DCC: variants seen among roughly 807,000 people sequenced by gnomAD.
DCC encodes the protein netrin receptor DCC.
A neutral mutation model predicts 172.5 loss-of-function variants in DCC; 58 were observed. The ratio of observed to expected loss-of-function variants is 0.34; its 90% CI spans 0.27 to 0.42. DCC has a LOEUF of 0.42. DCC is among the 10% of genes least tolerant of loss of function. DCC has a pLI of 1.00. For synonymous variants in DCC, 709 were observed against 644.5 expected (o/e 1.10, Z -1.52); for missense variants, 1,740 against 1,791.0 (o/e 0.97, Z 0.51).
At chr18:52,719,229 T>A (rs2036436172) in intron 1 of DCC, among the ~76,000 whole-genome samples, 1 of 152,090 alleles carries the variant, frequency 6.6e-6, no homozygotes, top group South Asian at 2.1e-4. Flanking sequence ...TAATTATGTT[T>A]GTGAAGACCT....
chr18:52,910,381 A>G (rs899625726), intron 3 of DCC, among the ~76,000 whole-genome samples: 6 of 152,168 alleles, frequency 3.9e-5, no homozygotes, highest in Non-Finnish European at 8.8e-5. Flanking sequence ...TGTTTCATTA[A>G]AGGTAGGAAA....
At chr18:53,381,922 A>G (rs574253643) in intron 15 of DCC, among the ~76,000 whole-genome samples, 2 of 152,018 alleles carry the variant, frequency 1.3e-5, no homozygotes, top group Non-Finnish European at 2.9e-5. Context: ...ACTACCTTCC[A>G]TACACTAATA....
At chr18:52,387,967 G>C (rs993219036) in intron 1 of DCC, among the ~76,000 whole-genome samples, 31 of 152,088 alleles carry the variant, frequency 2.0e-4, no homozygotes, top group African/African-American at 7.0e-4. Context: ...GTTGACCCTT[G>C]ACAACCCTGG....
intron 15 of DCC, among the ~76,000 whole-genome samples, chr18:53,372,245 A>G (rs1048552947): frequency 6.6e-6 from 1 of 152,160 alleles, no homozygotes; most frequent in Non-Finnish European, 1.5e-5. Flanking sequence ...GACTGGATAA[A>G]GAAAATGTGG....
At chr18:52,678,332 C>T (rs569198115) in intron 1 of DCC, among the ~76,000 whole-genome samples, 2 of 152,282 alleles carry the variant, frequency 1.3e-5, no homozygotes, top group East Asian at 1.9e-4. Flanking sequence ...AAATCAGCCT[C>T]ATGGTCTTTG....
intron 1 of DCC, among the ~76,000 whole-genome samples, chr18:52,661,618 C>T (rs2035361616): frequency 6.6e-6 from 1 of 152,218 alleles, no homozygotes; most frequent in Admixed American, 6.5e-5. Flanking sequence ...GGGAAGTGCC[C>T]AGTAAACAGC....
chr18:52,981,123 A>T (rs570348680), intron 5 of DCC, among the ~76,000 whole-genome samples: 2 of 152,252 alleles, frequency 1.3e-5, no homozygotes, highest in South Asian at 4.1e-4. Context: ...CCTTGAAAAT[A>T]TCTTTTAGCT....
chr18:52,544,758 A>G (rs190660879), intron 1 of DCC, among the ~76,000 whole-genome samples: 150 of 152,294 alleles, frequency 9.8e-4, no homozygotes, highest in Non-Finnish European at 1.3e-3. Context: ...TGATAGATTG[A>G]TAGATATATC....
chr18:52,595,302 C>G (rs1444115366), intron 1 of DCC, among the ~76,000 whole-genome samples: 1 of 152,138 alleles, frequency 6.6e-6, no homozygotes, highest in Non-Finnish European at 1.5e-5. Flanking sequence ...CATTTCCTGA[C>G]ATTTCTGATG....
chr18:52,751,003 T>G (rs1240176848), intron 1 of DCC, among the ~76,000 whole-genome samples: 20 of 152,240 alleles, frequency 1.3e-4, no homozygotes, highest in Non-Finnish European at 2.6e-4. Flanking sequence ...CCATCTCTTC[T>G]GCATTTTCAC....
intron 1 of DCC, among the ~76,000 whole-genome samples, chr18:52,693,308 A>G (rs1202436533): frequency 3.4e-5 from 5 of 149,026 alleles, no homozygotes; most frequent in Middle Eastern, 3.6e-3. Context: ...TTAAGTGTAT[A>G]TATTACAATA....
intron 18 of DCC, 137 bp downstream of exon 18, chr18:53,397,583 G>A (rs766894613): frequency 4.0e-5 from 36 of 911,266 alleles, no homozygotes; most frequent in Non-Finnish European, 5.5e-5. Context: ...ATAGTTCATA[G>A]CACTTTTATA....
At chr18:53,434,652 C>T (rs1284330296) in intron 21 of DCC, among the ~76,000 whole-genome samples, 1 of 152,132 alleles carries the variant, frequency 6.6e-6, no homozygotes, top group Non-Finnish European at 1.5e-5. Context: ...TTTCCAGGTA[C>T]TGTATTTGAC....
intron 7 of DCC, among the ~76,000 whole-genome samples, chr18:53,072,054 G>A (rs186581084): frequency 1.2e-4 from 19 of 152,236 alleles, no homozygotes; most frequent in East Asian, 7.8e-4. Context: ...AGTTGAACCC[G>A]GAGGGCAGAG....
intron 1 of DCC, among the ~76,000 whole-genome samples, chr18:52,450,366 A>G (rs1988263206): frequency 6.6e-6 from 1 of 152,218 alleles, no homozygotes. Flanking sequence ...GTAAATGCTT[A>G]TTGAACATCT....
At chr18:52,644,504 G>A (rs1229831577) in intron 1 of DCC, among the ~76,000 whole-genome samples, 2 of 151,656 alleles carry the variant, frequency 1.3e-5, no homozygotes, top group African/African-American at 2.4e-5. Context: ...GCATGAACCT[G>A]GGAGGCGGAG....
chr18:52,518,490 G>A lies in DCC; in HGVS notation c.91+177612G>A, dbSNP rs544936908. Among the ~76,000 whole-genome samples the A allele has an allele frequency of 9.8e-5, 15 of 152,288 alleles. No individual in the cohort carries two copies. The South Asian group carries it at 1.7e-3, about 17-fold the overall frequency. ...TAAAGTGTAAATTACTCCTTGTGTCGTTTCCTCTTTGATTCTCCAATTTAC... is the reference window on the plus strand; with the variant it reads ...TAAAGTGTAAATTACTCCTTGTGTCATTTCCTCTTTGATTCTCCAATTTAC... On this transcript the variant is annotated intron_variant, in intron 1 of 28. Coordinates refer to ENST00000442544, the MANE Select transcript of DCC (RefSeq NM_005215.4).
intron 2 of DCC, among the ~76,000 whole-genome samples, chr18:52,753,000 CAT>C (rs142542852): frequency 1.1e-4 from 16 of 150,758 alleles, no homozygotes; most frequent in East Asian, 7.8e-4. Context: ...CACACACACA[CAT>C]ATATATATAT....
chr18:53,023,015 T>C (rs1326326700), intron 5 of DCC, among the ~76,000 whole-genome samples: 1 of 152,050 alleles, frequency 6.6e-6, no homozygotes, highest in African/African-American at 2.4e-5. Context: ...TCTCGACTTT[T>C]TGGAAGGCTG....
Sources: gnomAD v4.1 joint callset for allele counts (sites outside exome capture counted in the v4.1 genomes callset) on GRCh38, gnomAD v4.1.1 for gene constraint, MANE v1.5 for transcripts, NCBI Gene and HGNC (gene_info 2026-07-23, HGNC 2026-07-21) for gene names.